SLC30A8: variants seen among roughly 807,000 people sequenced by gnomAD.
SLC30A8 encodes solute carrier family 30 member 8, also known as proton-coupled zinc antiporter SLC30A8.
Under a neutral mutation model 36.9 loss-of-function variants are expected in SLC30A8, and 27 were observed. The ratio of observed to expected loss-of-function variants is 0.73; its 90% CI spans 0.54 to 1.01. The LOEUF (loss-of-function observed/expected upper bound fraction) is 1.01. SLC30A8 is among the 50% of genes least tolerant of loss of function. The pLI is 0.00. For synonymous variants in SLC30A8, 164 were observed against 172.4 expected (o/e 0.95, Z 0.38); for missense variants, 439 against 452.0 (o/e 0.97, Z 0.26).
intron 1 of SLC30A8, 183 bp from the exon 2 acceptor site, chr8:117,146,771 T>C (rs966893825): frequency 2.5e-5 from 35 of 1,396,456 alleles, no homozygotes; most frequent in Middle Eastern, 2.7e-4. Context: ...AGTTGAAGTT[T>C]AGAAGGAAAT....
At chr8:116,991,881 C>A (rs1211247549) in intron 1 of SLC30A8, among the ~76,000 whole-genome samples, 1 of 152,200 alleles carries the variant, frequency 6.6e-6, no homozygotes, top group Non-Finnish European at 1.5e-5. Context: ...AAGAACACAA[C>A]AGCCACATCT....
chr8:117,080,515 C>T (rs530085516), intron 2 of SLC30A8, among the ~76,000 whole-genome samples: 1 of 152,182 alleles, frequency 6.6e-6, no homozygotes, highest in South Asian at 2.1e-4. Context: ...GGCCCCAGTG[C>T]CTATTGTTCC....
chr8:116,996,735 T>C (rs1815834032), intron 1 of SLC30A8, among the ~76,000 whole-genome samples: 1 of 152,184 alleles, frequency 6.6e-6, no homozygotes, highest in Non-Finnish European at 1.5e-5. Flanking sequence ...TGAGACATGT[T>C]GGTGGCTGTA....
chr8:117,049,910 A>G (rs1586442880), intron 2 of SLC30A8, among the ~76,000 whole-genome samples: 1 of 152,256 alleles, frequency 6.6e-6, no homozygotes, highest in East Asian at 1.9e-4. Context: ...AATCTTCCTG[A>G]TATATAGGGA....
chr8:117,037,137 A>T (rs966206997), intron 1 of SLC30A8, among the ~76,000 whole-genome samples: 1 of 152,128 alleles, frequency 6.6e-6, no homozygotes. Context: ...AAAAAAATAG[A>T]TTCTTTTTTG....
intron 1 of SLC30A8, among the ~76,000 whole-genome samples, chr8:116,953,840 C>G (rs1814087268): frequency 6.6e-6 from 1 of 152,000 alleles, no homozygotes; most frequent in Non-Finnish European, 1.5e-5. Flanking sequence ...GAATAGAGTT[C>G]CAGAAGATCT....
At chr8:116,976,902 C>T (rs1276142428) in intron 1 of SLC30A8, among the ~76,000 whole-genome samples, 4 of 149,782 alleles carry the variant, frequency 2.7e-5, no homozygotes, top group Admixed American at 6.7e-5. Context: ...CTGCAACCTC[C>T]ACCTCCTGGG....
intron 1 of SLC30A8, among the ~76,000 whole-genome samples, chr8:116,981,597 C>A (rs1313786379): frequency 6.6e-6 from 1 of 152,120 alleles, no homozygotes; most frequent in Non-Finnish European, 1.5e-5. Flanking sequence ...GTCCTAGTAT[C>A]TGTTGTTCCC....
chr8:117,053,060 C>T (rs1817758798), intron 2 of SLC30A8, among the ~76,000 whole-genome samples: 1 of 152,032 alleles, frequency 6.6e-6, no homozygotes, highest in Admixed American at 6.5e-5. Flanking sequence ...ACTGCAGGCA[C>T]CCACCACCAT....
At chr8:117,097,093 T>C (rs977746795) in intron 2 of SLC30A8, among the ~76,000 whole-genome samples, 1 of 151,852 alleles carries the variant, frequency 6.6e-6, no homozygotes, top group Non-Finnish European at 1.5e-5. Context: ...AATAAACATA[T>C]AATTTAAAAC....
At chr8:117,139,479 A>G (rs1431449991) in intron 1 of SLC30A8, among the ~76,000 whole-genome samples, 2 of 152,126 alleles carry the variant, frequency 1.3e-5, no homozygotes, top group Non-Finnish European at 2.9e-5. Flanking sequence ...ATGGACTTCC[A>G]TCCTCTGGAG....
chr8:116,971,013 T>A (rs1387787432), intron 1 of SLC30A8, among the ~76,000 whole-genome samples: 1 of 152,126 alleles, frequency 6.6e-6, no homozygotes, highest in African/African-American at 2.4e-5. Context: ...TAGAATAGCA[T>A]GGACCCAGCA....
At chr8:117,004,324 T>C (rs1199262444) in intron 1 of SLC30A8, among the ~76,000 whole-genome samples, 1 of 152,222 alleles carries the variant, frequency 6.6e-6, no homozygotes, top group Non-Finnish European at 1.5e-5. Context: ...GGGAGACACA[T>C]TTTGAATAGA....
chr8:117,023,560 T>G (rs1340979294), intron 1 of SLC30A8, among the ~76,000 whole-genome samples: 3 of 152,124 alleles, frequency 2.0e-5, no homozygotes, highest in Non-Finnish European at 2.9e-5. Context: ...GATGAGTTCA[T>G]GTATTTTGTA....
chr8:116,965,775 C>A (rs987570271), intron 1 of SLC30A8, among the ~76,000 whole-genome samples: 2 of 152,118 alleles, frequency 1.3e-5, no homozygotes, highest in Non-Finnish European at 2.9e-5. Flanking sequence ...TTTATGTGAA[C>A]CCTGGGCATT....
At chr8:116,953,629 T>C (rs973102192) in intron 1 of SLC30A8, among the ~76,000 whole-genome samples, 2 of 152,162 alleles carry the variant, frequency 1.3e-5, no homozygotes, top group African/African-American at 4.8e-5. Flanking sequence ...CTTTCTAGGG[T>C]TCTATGTGGG....
chr8:117,003,483 A>G (rs144765309), intron 1 of SLC30A8, among the ~76,000 whole-genome samples: 27 of 152,332 alleles, frequency 1.8e-4, no homozygotes, highest in Middle Eastern at 3.4e-3. Flanking sequence ...ATTGATACCT[A>G]TCATGATTGT....
At chr8:117,131,318 A>G (rs890605834), upstream of SLC30A8, among the ~76,000 whole-genome samples, 27 of 152,064 alleles carry the variant, frequency 1.8e-4, no homozygotes, top group African/African-American at 5.8e-4. Flanking sequence ...CTCACACTGT[A>G]GTAATAACCA....
intron 2 of SLC30A8, among the ~76,000 whole-genome samples, chr8:117,129,383 G>C (rs1563614989): frequency 6.6e-6 from 1 of 152,002 alleles, no homozygotes; most frequent in Non-Finnish European, 1.5e-5. Context: ...TCCATATAAT[G>C]ATGATTCTAA....
Sources: gnomAD v4.1 joint callset for allele counts (sites outside exome capture counted in the v4.1 genomes callset) on GRCh38, gnomAD v4.1.1 for gene constraint, MANE v1.5 for transcripts, NCBI Gene and HGNC (gene_info 2026-07-23, HGNC 2026-07-21) for gene names.